Variants in SS18L1 observed in about 807,000 individuals in gnomAD.
The protein encoded by SS18L1 is SS18L1 subunit of BAF chromatin remodeling complex, also known as calcium-responsive transactivator.
A neutral mutation model predicts 70.3 loss-of-function variants in SS18L1; 32 were observed. The observed-to-expected ratio is 0.46, with a 90% CI of 0.34 to 0.61. The LOEUF (loss-of-function observed/expected upper bound fraction) is 0.61. Ranked by LOEUF, SS18L1 falls within the 20% of genes least tolerant of loss-of-function variation. The pLI, the probability that SS18L1 is intolerant of heterozygous loss-of-function variation, is 0.01. For synonymous variants in SS18L1, 237 were observed against 229.7 expected (o/e 1.03, Z -0.29); for missense variants, 430 against 542.1 (o/e 0.79, Z 2.05).
intron 8 of SS18L1, among the ~76,000 whole-genome samples, chr20:62,168,401 T>A (rs1383506465): frequency 6.6e-6 from 1 of 152,060 alleles, no homozygotes; most frequent in African/African-American, 2.4e-5. Context: ...GGCGGATGTG[T>A]CATAGCCACC....
rs918608126 is a variant in SS18L1 at position 62,161,308 on chromosome 20, G to C, written c.232-128G>C. 7.4e-7 allele frequency: 1 copy of C among 1,344,748 alleles called. No individual in the cohort carries two copies. Among genetic ancestry groups the C allele is most frequent in the Non-Finnish European group, 1.1e-6 (1 of 951,750 alleles). The allele number at this position is 1,344,748 out of a possible 1,614,324, so 83.3% of individuals were successfully genotyped here. ...GGCTGTGACGATGGCTGCTGATTAC[G>C]AACATTGACCAGGTGGCCATGATGT... is the stretch of plus-strand genomic sequence containing the variant. On this transcript the variant is annotated intron_variant, in intron 3 of 10. Coordinates refer to ENST00000331758, the MANE Select transcript of SS18L1 (RefSeq NM_198935.3). The surrounding 1 kb of genome is among the most constrained non-coding windows in gnomAD (Gnocchi z 4.4).
At chr20:62,155,946 A>T (rs1179130623) in intron 1 of SS18L1, among the ~76,000 whole-genome samples, 1 of 150,452 alleles carries the variant, frequency 6.6e-6, no homozygotes, top group Non-Finnish European at 1.5e-5. Flanking sequence ...CCAGTCTTCC[A>T]CCTTTCATTC....
At position 62,143,830 on chromosome 20, in the gene SS18L1, G is replaced by A; in HGVS notation, c.10G>A (p.Ala4Thr). 1 of 1,344,176 alleles carries A rather than the reference G, an allele frequency of 7.4e-7. No homozygotes were observed. The highest frequency in any genetic ancestry group is 9.8e-7 in the Non-Finnish European group (1 of 1,018,092). The allele number at this position is 1,344,176 out of a possible 1,614,324, so 83.3% of individuals were successfully genotyped here. A position where few individuals can be genotyped will look rare whatever the true frequency, so the allele number is the denominator to read the frequency against. Residue 4 changes from alanine (A) to threonine (T), a missense_variant, in exon 1 of 11, where the codon GCC (alanine) becomes ACC (threonine). Physicochemically the swap from Ala to Thr is moderately conservative, Grantham distance 58. Transcript: ENST00000331758. ...GCCCCGCGCCGCCACCATGTCCGTG[G>A]CCTTCGCGTCTGCCCGGCCAAGAGG... MSVAFASARPRGKG... is the reference protein window; with the variant it reads MSVTFASARPRGKG...
In SS18L1 at chr20:62,174,825, A is replaced by G; in HGVS notation, c.1164+181A>G. 2.0e-6 allele frequency: 3 copies of G among 1,482,238 alleles called. No individual in the cohort carries two copies. The highest frequency in any genetic ancestry group is 2.7e-6 in the Non-Finnish European group (3 of 1,113,438). 91.8% of individuals were successfully genotyped at this position (1,482,238 alleles called of 1,614,324 possible). ...CAGAATTGCCTCTGTGTATACGCTCACCTCAGTCATCCAGCTGGCTTTTCA... is the reference window on the plus strand; with the variant it reads ...CAGAATTGCCTCTGTGTATACGCTCGCCTCAGTCATCCAGCTGGCTTTTCA... On this transcript the variant is annotated intron_variant, in intron 10 of 10. Coordinates refer to ENST00000331758, the MANE Select transcript of SS18L1 (RefSeq NM_198935.3). This position sits in a 1 kb window ranked among gnomAD's most constrained non-coding sequence, Gnocchi z 4.1.
At chr20:62,163,041 T>A in intron 5 of SS18L1, 110 bp downstream of exon 5, 7 of 1,407,102 alleles carry the variant, frequency 5.0e-6, no homozygotes, top group Non-Finnish European at 6.8e-6. Context: ...TGCTGGGTGC[T>A]GGAGGGGAGG....
rs896956984 is a variant in SS18L1, at chr20:62,159,834, G to A, written c.147-43G>A. Reference sequence around the variant, plus strand: ...TGCCTTGGATCCACGTGGGGACTCTGTGGTCCCGTCGTCCTGCCTCATGCG... The same window carrying A: ...TGCCTTGGATCCACGTGGGGACTCTATGGTCCCGTCGTCCTGCCTCATGCG... On this transcript the variant is annotated intron_variant, in intron 2 of 10. Coordinates refer to ENST00000331758, the MANE Select transcript of SS18L1 (RefSeq NM_198935.3). The surrounding 1 kb of genome is among the most constrained non-coding windows in gnomAD (Gnocchi z 4.4). 3 of 1,590,022 alleles carry A rather than the reference G, an allele frequency of 1.9e-6. No individual in the cohort carries two copies. The highest frequency in any genetic ancestry group is 1.1e-5 in the South Asian group (1 of 89,258).
At chr20:62,173,316 T>A (rs1221076264) in intron 9 of SS18L1, among the ~76,000 whole-genome samples, 1 of 151,458 alleles carries the variant, frequency 6.6e-6, no homozygotes, top group Non-Finnish European at 1.5e-5. Flanking sequence ...AGATCTCAGT[T>A]CTCAGGATGA....
intron 1 of SS18L1, among the ~76,000 whole-genome samples, chr20:62,150,647 T>G (rs2145700042): frequency 1.2e-5 from 1 of 82,120 alleles, no homozygotes; most frequent in Non-Finnish European, 2.2e-5. Context: ...TTTTTTTTTT[T>G]TTTTTTTTTT....
chr20:62,150,633 ATTTTTTTTT>A (rs34708339), intron 1 of SS18L1, among the ~76,000 whole-genome samples: 25 of 58,048 alleles, frequency 4.3e-4, no homozygotes, highest in Non-Finnish European at 5.0e-4. Context: ...ATTGAGGTGG[ATTTTTTTTT>A]TTTTTTTTTT....
At chr20:62,167,042 G>GTTTTTTT (rs1216570693) in intron 8 of SS18L1, among the ~76,000 whole-genome samples, 29 of 88,124 alleles carry the variant, frequency 3.3e-4, no homozygotes, top group African/African-American at 1.0e-3. Flanking sequence ...GAGTTTGTTT[G>GTTTTTTT]TTTTTTTTTT....
chr20:62,146,701 C>T (rs1028463595), intron 1 of SS18L1, among the ~76,000 whole-genome samples: 56 of 151,476 alleles, frequency 3.7e-4, no homozygotes, highest in Middle Eastern at 6.8e-3. Context: ...TCCGCGCCCC[C>T]GCCCACGTTC....
In SS18L1 at chr20:62,180,643, C is replaced by T; in HGVS notation, c.*1435C>T. On this transcript the variant is annotated 3_prime_UTR_variant, in exon 11 of 11. Transcript: ENST00000331758. ...TGGCGTGGTGGTTCACGCCTGTAAT[C>T]CCAGCACTTTGGGAGGCCGAAGCGG... 6.0e-6 allele frequency: 1 copy of T among 166,454 alleles called. No homozygotes were observed. Among genetic ancestry groups the T allele is most frequent in the Non-Finnish European group, 1.3e-5 (1 of 76,062 alleles). The allele number at this position is 166,454 out of a possible 1,614,324, so 10.3% of individuals were successfully genotyped here. A position where few individuals can be genotyped will look rare whatever the true frequency, so the allele number is the denominator to read the frequency against.
intron 8 of SS18L1, among the ~76,000 whole-genome samples, chr20:62,167,867 G>C (rs988213436): frequency 6.6e-6 from 1 of 151,430 alleles, no homozygotes; most frequent in African/African-American, 2.4e-5. Context: ...CTAGGCTGGA[G>C]TGCAGTGGCC....
At chr20:62,163,647 C>G (rs75386972) in intron 6 of SS18L1, 25 bp downstream of exon 6, 1 of 1,533,628 alleles carries the variant, frequency 6.5e-7, no homozygotes, top group Non-Finnish European at 8.7e-7. Context: ...GGCCAGGTCG[C>G]GGGCACAGCT....
rs557168555 is a variant in SS18L1 at position 62,159,516 on chromosome 20, G to A, written c.147-361G>A. On this transcript the variant is annotated intron_variant, in intron 2 of 10. Coordinates refer to ENST00000331758, the MANE Select transcript of SS18L1 (RefSeq NM_198935.3). The surrounding 1 kb of genome is among the most constrained non-coding windows in gnomAD (Gnocchi z 4.4). ...CGCCCACTGCCTGGCTCAGCTGGACGAGGGCTCTGTCCCTCTGTCACCTTC... is the reference window on the plus strand; with the variant it reads ...CGCCCACTGCCTGGCTCAGCTGGACAAGGGCTCTGTCCCTCTGTCACCTTC... Among the ~76,000 whole-genome samples, 14 of 152,262 alleles carry A rather than the reference G, an allele frequency of 9.2e-5. No homozygotes were observed. The highest frequency in any genetic ancestry group is 3.3e-4 in the Admixed American group (5 of 15,298).
chr20:62,148,589 G>T (rs1568735283), intron 1 of SS18L1, among the ~76,000 whole-genome samples: 1 of 151,994 alleles, frequency 6.6e-6, no homozygotes, highest in Non-Finnish European at 1.5e-5. Flanking sequence ...CAGCCTCCTT[G>T]CTGTCTTCGG....
intron 10 of SS18L1, among the ~76,000 whole-genome samples, chr20:62,177,641 C>T (rs905580592): frequency 3.3e-5 from 5 of 152,200 alleles, no homozygotes; most frequent in Non-Finnish European, 5.9e-5. Flanking sequence ...ACCACAGGTC[C>T]GATGCTCCGT....
rs372695666 is a variant in SS18L1, at chr20:62,161,617, G to A, written c.376+37G>A. On this transcript the variant is annotated intron_variant, in intron 4 of 10. Coordinates refer to ENST00000331758, the MANE Select transcript of SS18L1 (RefSeq NM_198935.3). The surrounding 1 kb of genome is among the most constrained non-coding windows in gnomAD (Gnocchi z 4.4). Reference sequence around the variant, plus strand: ...GGGGGAGGAGGACGTTCCTGGCTACGAGGCCACCAAGGCAGCCCTTGGGCA... The same window carrying A: ...GGGGGAGGAGGACGTTCCTGGCTACAAGGCCACCAAGGCAGCCCTTGGGCA... The A allele has an allele frequency of 3.1e-5, 49 of 1,587,578 alleles. No individual in the cohort carries two copies. The highest frequency in any genetic ancestry group is 9.0e-5 in the East Asian group (4 of 44,212).
intron 1 of SS18L1, among the ~76,000 whole-genome samples, chr20:62,155,681 C>G (rs765447511): frequency 2.0e-4 from 31 of 152,190 alleles, no homozygotes; most frequent in Non-Finnish European, 3.4e-4. Flanking sequence ...TCCTCCAACC[C>G]CATCTCCTGC....
Sources: gnomAD v4.1 joint callset for allele counts (sites outside exome capture counted in the v4.1 genomes callset) on GRCh38, gnomAD v4.1.1 for gene constraint, Gnocchi (gnomAD v3.1) non-coding constraint, MANE v1.5 for transcripts, NCBI Gene and HGNC (gene_info 2026-07-23, HGNC 2026-07-21) for gene names.